Variants in CYP2U1 observed in about 807,000 individuals in gnomAD.
CYP2U1 encodes the protein cytochrome P450 family 2 subfamily U member 1.
A neutral mutation model predicts 42.8 loss-of-function variants in CYP2U1; 28 were observed. That is an observed-to-expected ratio of 0.65 (90% CI 0.48 to 0.90). The LOEUF (loss-of-function observed/expected upper bound fraction) is 0.90, where lower values mean the gene tolerates loss of function less well. Ranked by LOEUF, CYP2U1 falls within the 40% of genes least tolerant of loss-of-function variation. CYP2U1 has a pLI of 0.00. For missense variants in CYP2U1, 642 were observed against 693.8 expected (o/e 0.93, Z 0.84); for synonymous variants, 296 against 278.9 (o/e 1.06, Z -0.61).
rs1370248200 is a variant in CYP2U1 at position 107,946,593 on chromosome 4, CTGGG to C, written c.1127-781_1127-778del. Among the ~76,000 whole-genome samples, 4 of 152,076 alleles carry C rather than the reference CTGGG, an allele frequency of 2.6e-5. No homozygotes were observed. The East Asian group carries it at 7.7e-4, about 29-fold the overall frequency. ...ACCTACCTGTATTAGTTAATTATTG[CTGGG>C]TAGCAAACTACCCCCAAATTTGCTA... On this transcript the variant is annotated intron_variant, in intron 2 of 4. Coordinates refer to ENST00000332884, the MANE Select transcript of CYP2U1 (RefSeq NM_183075.3).
intron 1 of CYP2U1, among the ~76,000 whole-genome samples, chr4:107,937,059 G>C (rs1013364033): frequency 1.3e-5 from 2 of 152,204 alleles, no homozygotes; most frequent in African/African-American, 4.8e-5. Context: ...CTTAAAACCT[G>C]ATATGGCTCG....
chr4:107,938,256 G>C (rs900983470), intron 1 of CYP2U1: 3 of 152,194 alleles, frequency 2.0e-5, no homozygotes, highest in Admixed American at 2.0e-4. Flanking sequence ...CTGTAGGCCA[G>C]GCACAGAACT....
At chr4:107,941,733 A>G (rs942002661) in intron 1 of CYP2U1, among the ~76,000 whole-genome samples, 2 of 152,138 alleles carry the variant, frequency 1.3e-5, no homozygotes, top group East Asian at 3.8e-4. Flanking sequence ...TTATTAAGAT[A>G]GAGGTCTGAA....
intron 3 of CYP2U1, among the ~76,000 whole-genome samples, chr4:107,948,182 C>T (rs12505557): frequency 0.14 from 18,496 of 134,386 alleles, 1,449 homozygotes; most frequent in South Asian, 0.33. Flanking sequence ...GCAGGAGAAT[C>T]GCTTGGACCT....
intron 1 of CYP2U1, among the ~76,000 whole-genome samples, chr4:107,943,906 TACA>T (rs1275612674): frequency 6.6e-6 from 1 of 152,226 alleles, no homozygotes; most frequent in East Asian, 1.9e-4. Flanking sequence ...AACAATTTGA[TACA>T]ACATCTGGGA....
chr4:107,939,967 CAAAAG>C (rs1041995247), intron 1 of CYP2U1, among the ~76,000 whole-genome samples: 1 of 152,020 alleles, frequency 6.6e-6, no homozygotes, highest in African/African-American at 2.4e-5. Context: ...TGGCCACCGA[CAAAAG>C]AAAACAAGGA....
At chr4:107,942,640 T>G (rs1430693173) in intron 1 of CYP2U1, among the ~76,000 whole-genome samples, 1 of 152,164 alleles carries the variant, frequency 6.6e-6, no homozygotes, top group Non-Finnish European at 1.5e-5. Context: ...ATAGGAAATG[T>G]GTATCAGAGA....
At position 107,945,260 on chromosome 4, in the gene CYP2U1, A is replaced by G. The variant is rs1733655391; in HGVS notation, c.781A>G (p.Ile261Val). 1 of 1,614,118 alleles carries G rather than the reference A, an allele frequency of 6.2e-7. No homozygotes were observed. Among genetic ancestry groups the G allele is most frequent in the Non-Finnish European group, 8.5e-7 (1 of 1,180,032 alleles). The stretch of plus-strand genomic sequence containing the variant: ...TGGTTTTATGTCACGAGGCCTAGAA[A>G]TCTGTCTGAACAGTCAAGTCCTCCT... ...MLGFMSRGLE[I>V]CLNSQVLLVN... is the part of the protein sequence containing the mutation. The change falls in exon 2 of 5, where the codon ATC becomes GTC. Residue 261 changes from isoleucine to valine, a missense_variant. Transcript: ENST00000332884.
In CYP2U1 at chr4:107,931,814, G is replaced by C; in HGVS notation, c.171G>C (p.Arg57=). The C allele has an allele frequency of 6.6e-7, 1 of 1,521,806 alleles. No homozygotes were observed. The highest frequency in any genetic ancestry group is 8.8e-7 in the Non-Finnish European group (1 of 1,134,314). 94.3% of individuals were successfully genotyped at this position (1,521,806 alleles called of 1,614,324 possible). A position where few individuals can be genotyped will look rare whatever the true frequency, so the allele number is the denominator to read the frequency against. ...GWSWLRRRRA[R]GIPPGPTPWP... is the part of the protein sequence containing the mutation. ...GCTGGCTGCGGAGGCGCCGGGCGCG[G>C]GGCATCCCGCCCGGGCCCACGCCCT... Residue 57 remains arginine, a synonymous_variant, in exon 1 of 5, where the codon CGG becomes CGC. Coordinates refer to ENST00000332884, the MANE Select transcript of CYP2U1 (RefSeq NM_183075.3).
chr4:107,939,368 T>A (rs1733396673), intron 1 of CYP2U1, among the ~76,000 whole-genome samples: 2 of 152,202 alleles, frequency 1.3e-5, no homozygotes, highest in African/African-American at 4.8e-5. Context: ...TGGGCCTTTA[T>A]TACACAAAAG....
chr4:107,936,985 A>G (rs1463666022), intron 1 of CYP2U1, among the ~76,000 whole-genome samples: 4 of 151,952 alleles, frequency 2.6e-5, no homozygotes, highest in African/African-American at 9.7e-5. Context: ...CTTACAAACT[A>G]TGCTACCACA....
rs375962423 is a variant in CYP2U1 at position 107,948,545 on chromosome 4, A to C, written c.1289-805A>C. ...TTGCACCACTGCACTTCTGCACTTC[A>C]GCCTGGGTGACAGAGTGAGACAGCC... is the stretch of plus-strand genomic sequence containing the variant. On this transcript the variant is annotated intron_variant, in intron 3 of 4. Transcript: ENST00000332884. Among the ~76,000 whole-genome samples, 4 of 152,124 alleles carry C rather than the reference A, an allele frequency of 2.6e-5. No homozygotes were observed. The South Asian group carries it at 8.3e-4, about 32-fold the overall frequency.
At chr4:107,949,302 C>T in intron 3 of CYP2U1, 48 bp from the exon 4 acceptor site, 2 of 1,384,926 alleles carry the variant, frequency 1.4e-6, no homozygotes, top group Non-Finnish European at 1.9e-6. Context: ...GGGAGAACTA[C>T]TAGTAAAAGC....
intron 1 of CYP2U1, among the ~76,000 whole-genome samples, chr4:107,934,575 T>A (rs536217092): frequency 5.3e-5 from 8 of 152,242 alleles, no homozygotes; most frequent in Admixed American, 4.6e-4. Context: ...GAATCAAATC[T>A]TGTAGCTCTC....
rs1274337276 is a variant in CYP2U1 at position 107,931,761 on chromosome 4, T to C, written c.118T>C (p.Cys40Arg). ...LDPSGGALLL[C>R]GLVALLGWSW... ...CCCCAGCGGGGGCGCGCTGCTGCTA[T>C]GCGGCCTCGTAGCGCTGCTGGGCTG... The change falls in exon 1 of 5, where the codon TGC becomes CGC. Residue 40 changes from cysteine to arginine, a missense_variant. Coordinates refer to ENST00000332884, the MANE Select transcript of CYP2U1 (RefSeq NM_183075.3). 1.4e-6 allele frequency: 2 copies of C among 1,463,252 alleles called. No individual in the cohort carries two copies. The highest frequency in any genetic ancestry group is 2.7e-5 in the East Asian group (1 of 36,978). The allele number at this position is 1,463,252 out of a possible 1,614,324, so 90.6% of individuals were successfully genotyped here.
At position 107,931,911 on chromosome 4, in the gene CYP2U1, A is replaced by G; in HGVS notation, c.268A>G (p.Arg90Gly). 5 of 1,550,532 alleles carry G rather than the reference A, an allele frequency of 3.2e-6. No homozygotes were observed. The highest frequency in any genetic ancestry group is 4.4e-6 in the Non-Finnish European group (5 of 1,146,648). The change falls in exon 1 of 5, where the codon AGG (arginine) becomes GGG (glycine). Residue 90 changes from arginine to glycine, a missense_variant. Arg to Gly is a moderately radical substitution (Grantham distance 125). Transcript: ENST00000332884. ...CCGGCGGCGGAGCTGGCTGAGCAGC[A>G]GGACCAGGGCCGCAGGGATTGATCC... is the stretch of plus-strand genomic sequence containing the variant. The part of the protein sequence containing the change: ...FLRRRSWLSS[R>G]TRAAGIDPSV...
chr4:107,935,402 G>A (rs1203849475), intron 1 of CYP2U1, among the ~76,000 whole-genome samples: 1 of 152,162 alleles, frequency 6.6e-6, no homozygotes, highest in Non-Finnish European at 1.5e-5. Flanking sequence ...AGGCAATGCT[G>A]CTCTGGTATG....
chr4:107,932,024 G>T lies in CYP2U1; in HGVS notation c.381G>T (p.Val127=). Residue 127 remains valine (V), a synonymous_variant, in exon 1 of 5, where the codon GTG becomes GTT. Transcript: ENST00000332884. ...GCTTCTTTATCGGCCACTACCTGGT[G>T]GTGGTCCTCAGCGACTTCCACAGCG... The part of the protein sequence containing the change: ...IFSFFIGHYL[V]VVLSDFHSVR... 6.4e-7 allele frequency: 1 copy of T among 1,564,848 alleles called. No homozygotes were observed. The highest frequency in any genetic ancestry group is 2.4e-5 in the East Asian group (1 of 41,718).
chr4:107,932,199 C>T, intron 1 of CYP2U1, 66 bp downstream of exon 1: 4 of 1,517,182 alleles, frequency 2.6e-6, no homozygotes, highest in Non-Finnish European at 3.5e-6. Context: ...TGCGTGGGGG[C>T]TGCAGTTCCT....
Sources: gnomAD v4.1 joint callset for allele counts (sites outside exome capture counted in the v4.1 genomes callset) on GRCh38, gnomAD v4.1.1 for gene constraint, MANE v1.5 for transcripts, NCBI Gene and HGNC (gene_info 2026-07-23, HGNC 2026-07-21) for gene names.